The following MAN2B2 variants were observed in gnomAD, a reference collection of about 807,000 sequenced individuals.
MAN2B2 encodes mannosidase alpha class 2B member 2.
A neutral mutation model predicts 117.1 loss-of-function variants in MAN2B2; 106 were observed. The ratio of observed to expected loss-of-function variants is 0.90; its 90% confidence interval spans 0.77 to 1.06. MAN2B2 has a LOEUF of 1.06. Ranked by LOEUF, MAN2B2 falls within the 50% of genes least tolerant of loss-of-function variation. The pLI, the probability that MAN2B2 is intolerant of heterozygous loss-of-function variation, is 0.00. For missense variants in MAN2B2, 1,326 were observed against 1,381.4 expected (o/e 0.96, Z 0.64); for synonymous variants, 544 against 595.1 (o/e 0.91, Z 1.25).
chr4:6,620,176 G>A (rs914953270), intron 18 of MAN2B2, 132 bp downstream of exon 18: 5 of 706,648 alleles, frequency 7.1e-6, no homozygotes, highest in Admixed American at 2.8e-5. Flanking sequence ...TTCCTACTCT[G>A]AACCCGCAGC....
intron 15 of MAN2B2, among the ~76,000 whole-genome samples, chr4:6,613,575 C>CAAGG (rs751318063): frequency 4.4e-4 from 51 of 116,470 alleles, no homozygotes; most frequent in East Asian, 1.1e-3. Flanking sequence ...TCCCTATCTA[C>CAAGG]AAGGAAGGAA....
At chr4:6,598,449 T>G in intron 9 of MAN2B2, 95 bp downstream of exon 9, 1 of 1,324,656 alleles carries the variant, frequency 7.5e-7, no homozygotes, top group Non-Finnish European at 1.0e-6. Flanking sequence ...CTTCAGACTC[T>G]GAGTCCACAT....
At chr4:6,596,194 G>A (rs990118547) in intron 7 of MAN2B2, among the ~76,000 whole-genome samples, 5 of 145,004 alleles carry the variant, frequency 3.4e-5, no homozygotes, top group African/African-American at 1.4e-4. Context: ...GTGGCGTCCA[G>A]GTGGGCGTGG....
chr4:6,599,419 T>C (rs562648182), intron 9 of MAN2B2, among the ~76,000 whole-genome samples: 2 of 151,782 alleles, frequency 1.3e-5, no homozygotes, highest in Non-Finnish European at 2.9e-5. Context: ...TCCCAGCACT[T>C]TGGGAGGCCG....
chr4:6,594,739 G>T lies in MAN2B2; in HGVS notation c.1057+7G>T. ...TTCCTGCCCTATTCCACAGGTACAG[G>T]CTTCCAGGGGCTGGGGTGGTAGTTT... On this transcript the variant is annotated splice_region_variant and intron_variant, in intron 7 of 18. Transcript: ENST00000285599. 1 of 1,605,426 alleles carries T rather than the reference G, an allele frequency of 6.2e-7. No individual in the cohort carries two copies.
Position 6,609,221 on chromosome 4 carries a change from G to A in MAN2B2, c.1929G>A (p.Ala643=), listed in dbSNP as rs1364734134. 17 of 1,614,110 alleles carry A rather than the reference G, an allele frequency of 1.1e-5. No individual in the cohort carries two copies. The highest frequency in any genetic ancestry group is 5.3e-5 in the African/African-American group (4 of 74,954). The part of the protein sequence containing the change: ...DNYLFTPGKA[A]VPAWEAVEME... ...ACCTGTTCACACCGGGCAAGGCCGC[G>A]GTGCCTGCGTGGGAAGCTGTGGAAA... The change falls in exon 12 of 19, where the codon GCG becomes GCA. Residue 643 remains alanine, a synonymous_variant. Transcript: ENST00000285599.
At chr4:6,576,900 G>GGGA (rs1323987840) in intron 2 of MAN2B2, among the ~76,000 whole-genome samples, 176 bp downstream of exon 2, 1 of 152,220 alleles carries the variant, frequency 6.6e-6, no homozygotes, top group Non-Finnish European at 1.5e-5. Context: ...TGAGTTCCAT[G>GGGA]CCTGGGAGAG....
chr4:6,611,058 G>C (rs376711884), intron 14 of MAN2B2, 28 bp from the exon 15 acceptor site: 3 of 1,611,668 alleles, frequency 1.9e-6, no homozygotes, highest in African/African-American at 1.3e-5. Flanking sequence ...GGTGCAAGCC[G>C]GGCCTCTCGG....
chr4:6,598,418 G>A, intron 9 of MAN2B2, 64 bp downstream of exon 9: 1 of 1,539,440 alleles, frequency 6.5e-7, no homozygotes, highest in Non-Finnish European at 8.8e-7. Context: ...GGAGGTCAGG[G>A]GAGGGGCTCA....
At chr4:6,606,455 G>T (rs1055456642) in intron 11 of MAN2B2, among the ~76,000 whole-genome samples, 9 of 152,262 alleles carry the variant, frequency 5.9e-5, no homozygotes, top group African/African-American at 1.9e-4. Context: ...GTTAGGCCAG[G>T]AGAGGCAGAA....
At chr4:6,617,655 G>A (rs2108760658) in intron 17 of MAN2B2, 163 bp downstream of exon 17, 1 of 1,389,718 alleles carries the variant, frequency 7.2e-7, no homozygotes, top group East Asian at 2.5e-5. Flanking sequence ...GGTTTGTCAG[G>A]TATTACAACT....
chr4:6,579,132 CCACCACCATCACCACCACCAT>C (rs1726234812), intron 3 of MAN2B2, among the ~76,000 whole-genome samples: 2 of 43,838 alleles, frequency 4.6e-5, no homozygotes, highest in East Asian at 1.3e-3. Flanking sequence ...ACTACCACCA[CCACCACCATCACCACCACCAT>C]CACCATCACC....
intron 11 of MAN2B2, among the ~76,000 whole-genome samples, chr4:6,607,371 T>G (rs1474991909): frequency 3.3e-5 from 5 of 152,172 alleles, no homozygotes; most frequent in Non-Finnish European, 7.3e-5. Context: ...CACACCCAGC[T>G]AATTTTTGTG....
rs1726755243 is a variant in MAN2B2, at chr4:6,589,056, C to T, written c.576C>T (p.Phe192=). 2.5e-6 allele frequency: 4 copies of T among 1,613,756 alleles called. No homozygotes were observed. Among genetic ancestry groups the T allele is most frequent in the Non-Finnish European group, 3.4e-6 (4 of 1,179,820 alleles). ...TCCTCGGTTTGCAGGGGCTGCAGTTCGTGTGGCGAGGGTCCCCATCCCTCT... is the reference window on the plus strand; with the variant it reads ...TCCTCGGTTTGCAGGGGCTGCAGTTTGTGTGGCGAGGGTCCCCATCCCTCT... ...AAMQEARGLQ[F]VWRGSPSLSE... The change falls in exon 5 of 19, where the codon TTC becomes TTT. Residue 192 remains phenylalanine, a synonymous_variant. Coordinates refer to ENST00000285599, the MANE Select transcript of MAN2B2 (RefSeq NM_015274.3).
At position 6,589,104 on chromosome 4, in the gene MAN2B2, G is replaced by T. The variant is rs775182494; in HGVS notation, c.624G>T (p.Thr208=). The change falls in exon 5 of 19, where the codon ACG becomes ACT. Residue 208 remains threonine, a synonymous_variant. Transcript: ENST00000285599. The part of the protein sequence containing the change: ...PSLSERQEIF[T]HIMDQYSYCT... ...TCTCAGAGCGGCAGGAAATCTTCACGCACATCATGGACCAGTACAGCTACT... is the reference window on the plus strand; with the variant it reads ...TCTCAGAGCGGCAGGAAATCTTCACTCACATCATGGACCAGTACAGCTACT... The T allele has an allele frequency of 2.5e-6, 4 of 1,614,036 alleles. No individual in the cohort carries two copies. The African/African-American group carries it at 5.3e-5, about 22-fold the overall frequency.
chr4:6,599,800 C>T (rs2108747412), intron 9 of MAN2B2, among the ~76,000 whole-genome samples: 1 of 152,312 alleles, frequency 6.6e-6, no homozygotes, highest in South Asian at 2.1e-4. Flanking sequence ...CCATCTCTGT[C>T]TGTGTGTAAT....
chr4:6,602,522 T>C (rs1727372302), intron 10 of MAN2B2, among the ~76,000 whole-genome samples: 1 of 152,146 alleles, frequency 6.6e-6, no homozygotes, highest in South Asian at 2.1e-4. Context: ...AAGTGATGAC[T>C]TGGAATCCGG....
At chr4:6,595,485 A>C (rs1401904529) in intron 7 of MAN2B2, among the ~76,000 whole-genome samples, 1 of 152,188 alleles carries the variant, frequency 6.6e-6, no homozygotes, top group Non-Finnish European at 1.5e-5. Context: ...GAGGCCGGGA[A>C]GTCCAAGGTG....
At chr4:6,603,135 G>C (rs1008201189) in intron 10 of MAN2B2, among the ~76,000 whole-genome samples, 1 of 152,138 alleles carries the variant, frequency 6.6e-6, no homozygotes, top group East Asian at 1.9e-4. Flanking sequence ...AATCTTAAAG[G>C]GGTGCTTTAA....
Sources: allele counts gnomAD v4.1 joint callset (sites outside exome capture counted in the v4.1 genomes callset), GRCh38; gene constraint gnomAD v4.1.1; transcripts MANE v1.5; gene names NCBI Gene and HGNC (gene_info 2026-07-23, HGNC 2026-07-21).